The following AGAP1 variants were observed in gnomAD, a reference collection of about 807,000 sequenced individuals.
The protein encoded by AGAP1 is arf-GAP with GTPase, ANK repeat and PH domain-containing protein 1.
A neutral mutation model predicts 105.3 loss-of-function variants in AGAP1; 29 were observed. That is an observed-to-expected ratio of 0.28 (90% CI 0.21 to 0.38). The LOEUF (loss-of-function observed/expected upper bound fraction) is 0.38, where lower values mean the gene tolerates loss of function less well. AGAP1 is among the 10% of genes least tolerant of loss of function. The probability of loss-of-function intolerance (pLI) is 1.00; values close to 1 mark genes in which losing one functional copy is unlikely to be tolerated. For synonymous variants in AGAP1, 509 were observed against 485.9 expected (o/e 1.05, Z -0.63); for missense variants, 998 against 1,165.1 (o/e 0.86, Z 2.09).
chr2:235,580,815 A>G (rs1203114774), intron 1 of AGAP1, among the ~76,000 whole-genome samples: 1 of 152,148 alleles, frequency 6.6e-6, no homozygotes, highest in Admixed American at 6.5e-5. Context: ...TCTAGAGAGG[A>G]TGTTATCTGA....
rs144504070 is a variant in AGAP1, at chr2:236,109,281, G to A, written c.2115-10911G>A. On this transcript the variant is annotated intron_variant, in intron 16 of 17. Coordinates refer to ENST00000304032, the MANE Select transcript of AGAP1 (RefSeq NM_001037131.3). The surrounding 1 kb of genome is among the most constrained non-coding windows in gnomAD (Gnocchi z 5.4). ...TCAGCTGCCTGGTCAGCCTGACCCCGCCCTGCCGAGCACCTCATTCCCGGG... is the reference window on the plus strand; with the variant it reads ...TCAGCTGCCTGGTCAGCCTGACCCCACCCTGCCGAGCACCTCATTCCCGGG... 7.6e-3 allele frequency among the ~76,000 whole-genome samples: 1,155 copies of A among 152,250 alleles called. 16 individuals carry two copies. The highest frequency in any genetic ancestry group is 0.026 in the African/African-American group (1,099 of 41,552).
intron 8 of AGAP1, among the ~76,000 whole-genome samples, chr2:235,804,586 C>T (rs1375085972): frequency 2.0e-5 from 3 of 152,230 alleles, no homozygotes; most frequent in South Asian, 4.1e-4. Context: ...CAATGATGCG[C>T]TTGTTCCTGT....
intron 12 of AGAP1, 21 bp from the exon 13 acceptor site, chr2:235,968,438 TTGC>T: frequency 4.6e-6 from 7 of 1,536,272 alleles, no homozygotes; most frequent in Admixed American, 4.6e-5. Flanking sequence ...TTTTTTTTTT[TTGC>T]CTTTTCCGGT....
Position 235,830,639 on chromosome 2 carries a change from A to C in AGAP1, c.1050+23308A>C. The stretch of plus-strand genomic sequence containing the variant: ...ATTTGTTGGGGGAAGCAATGTTGGT[A>C]GGGGGTGGGGGTTGCACCTTGAGGT... On this transcript the variant is annotated intron_variant, in intron 9 of 17. Coordinates refer to ENST00000304032, the MANE Select transcript of AGAP1 (RefSeq NM_001037131.3). This position sits in a 1 kb window ranked among gnomAD's most constrained non-coding sequence, Gnocchi z 5.5. Among the ~76,000 whole-genome samples the C allele has an allele frequency of 2.9e-5, 2 of 68,938 alleles. No individual in the cohort carries two copies. Among genetic ancestry groups the C allele is most frequent in the Non-Finnish European group, 3.0e-5 (1 of 33,516 alleles). The allele number at this position is 68,938 out of a possible 152,430, so 45.2% of individuals were successfully genotyped here. A position where few individuals can be genotyped will look rare whatever the true frequency, so the allele number is the denominator to read the frequency against.
chr2:236,079,392 G>A (rs2058723953), intron 16 of AGAP1, among the ~76,000 whole-genome samples: 2 of 143,056 alleles, frequency 1.4e-5, no homozygotes, highest in African/African-American at 2.6e-5. Context: ...AAAAAAAACA[G>A]GCATGGTGGC....
chr2:236,031,299 G>T (rs968120998), intron 13 of AGAP1, among the ~76,000 whole-genome samples: 8 of 152,140 alleles, frequency 5.3e-5, no homozygotes, highest in African/African-American at 1.2e-4. Flanking sequence ...AACCAGGGAG[G>T]AGAAAGAGAA....
chr2:236,058,408 A>G lies in AGAP1; in HGVS notation c.2114+9127A>G, dbSNP rs186769875. Among the ~76,000 whole-genome samples the G allele has an allele frequency of 1.6e-3, 251 of 152,352 alleles. 1 individual carries two copies. The highest frequency in any genetic ancestry group is 5.9e-3 in the African/African-American group (244 of 41,590). ...GGTGGCACTGAATGCAAGGAAGGCA[A>G]GGTTGGTTCGACACGCAAAAATCAA... On this transcript the variant is annotated intron_variant, in intron 16 of 17. Transcript: ENST00000304032. The surrounding 1 kb of genome is among the most constrained non-coding windows in gnomAD (Gnocchi z 4.6).
At chr2:236,097,938 C>A (rs2059235954) in intron 16 of AGAP1, among the ~76,000 whole-genome samples, 1 of 152,180 alleles carries the variant, frequency 6.6e-6, no homozygotes. Context: ...GCCTGACTTA[C>A]TTCACTAGCA....
intron 1 of AGAP1, among the ~76,000 whole-genome samples, chr2:235,707,445 G>C (rs1334385998): frequency 7.5e-6 from 1 of 133,042 alleles, no homozygotes; most frequent in Non-Finnish European, 1.6e-5. Context: ...GTGGCATCTG[G>C]TTTGCTGCAC....
chr2:235,785,621 AG>A (rs1400032588), intron 6 of AGAP1, among the ~76,000 whole-genome samples: 1 of 152,062 alleles, frequency 6.6e-6, no homozygotes, highest in Non-Finnish European at 1.5e-5. Flanking sequence ...TAGTTTCTTT[AG>A]CTGGAATAAT....
At chr2:235,562,958 G>A (rs1944212264) in intron 1 of AGAP1, among the ~76,000 whole-genome samples, 1 of 152,118 alleles carries the variant, frequency 6.6e-6, no homozygotes, top group East Asian at 1.9e-4. Context: ...TACTCCGGAG[G>A]CTGAGGCAGG....
At chr2:236,016,180 T>G (rs1001137553) in intron 13 of AGAP1, among the ~76,000 whole-genome samples, 3 of 152,168 alleles carry the variant, frequency 2.0e-5, no homozygotes, top group African/African-American at 4.8e-5. Context: ...TTGGCCTCAT[T>G]GGTATCTTCT....
chr2:236,120,459 G>A lies in AGAP1; in HGVS notation c.2370+12G>A, dbSNP rs1289923242. Reference sequence around the variant, plus strand: ...AGCTCCTGATCTGGGTAGGTGGTCGGCACGCCTGGCAGAGGACGGGGCCAC... The same window carrying A: ...AGCTCCTGATCTGGGTAGGTGGTCGACACGCCTGGCAGAGGACGGGGCCAC... On this transcript the variant is annotated intron_variant, in intron 17 of 17. Transcript: ENST00000304032. The surrounding 1 kb of genome is among the most constrained non-coding windows in gnomAD (Gnocchi z 6.0). 3.7e-6 allele frequency: 6 copies of A among 1,610,894 alleles called. No homozygotes were observed. The highest frequency in any genetic ancestry group is 5.1e-6 in the Non-Finnish European group (6 of 1,179,636).
chr2:236,007,047 A>C (rs749743170), intron 13 of AGAP1, among the ~76,000 whole-genome samples: 1 of 150,840 alleles, frequency 6.6e-6, no homozygotes, highest in Non-Finnish European at 1.5e-5. Flanking sequence ...GTTAAGGTCA[A>C]AGCAGTTTTA....
At chr2:235,674,726 T>C (rs1166319467) in intron 1 of AGAP1, among the ~76,000 whole-genome samples, 1 of 150,650 alleles carries the variant, frequency 6.6e-6, no homozygotes, top group African/African-American at 2.5e-5. Flanking sequence ...AGTCTCACTC[T>C]GTTGCCAGGC....
chr2:236,115,827 C>T (rs193043427), intron 16 of AGAP1, among the ~76,000 whole-genome samples: 1 of 99,308 alleles, frequency 1.0e-5, no homozygotes, highest in Admixed American at 9.7e-5. Context: ...TTTGTTTAGA[C>T]AGAGTCTCGC....
In AGAP1 at chr2:235,988,063, A is replaced by G. The variant is rs1176328321; in HGVS notation, c.1645+19440A>G. Among the ~76,000 whole-genome samples, 1 of 152,170 alleles carries G rather than the reference A, an allele frequency of 6.6e-6. No homozygotes were observed. Among genetic ancestry groups the G allele is most frequent in the Non-Finnish European group, 1.5e-5 (1 of 68,040 alleles). On this transcript the variant is annotated intron_variant, in intron 13 of 17. Transcript: ENST00000304032. The surrounding 1 kb of genome is among the most constrained non-coding windows in gnomAD (Gnocchi z 4.7). ...CGTTTGTTCTGTTTTGTTTTTTGAAACAAGAGTCTCACTCTGTTGCCCAGG... is the reference window on the plus strand; with the variant it reads ...CGTTTGTTCTGTTTTGTTTTTTGAAGCAAGAGTCTCACTCTGTTGCCCAGG...
Position 236,009,587 on chromosome 2 carries a change from C to G in AGAP1, c.1646-26974C>G, listed in dbSNP as rs888794199. On this transcript the variant is annotated intron_variant, in intron 13 of 17. Transcript: ENST00000304032. The surrounding 1 kb of genome is among the most constrained non-coding windows in gnomAD (Gnocchi z 4.2). ...CTTTTCTTAGAGGTACAAATTTACG[C>G]TCCCTTCTATGAATAGAGAGGGCTA... is the stretch of plus-strand genomic sequence containing the variant. 6.6e-6 allele frequency among the ~76,000 whole-genome samples: 1 copy of G among 152,202 alleles called. No homozygotes were observed. The highest frequency in any genetic ancestry group is 1.9e-4 in the East Asian group (1 of 5,200).
At chr2:235,949,949 G>T (rs1006815829) in intron 12 of AGAP1, among the ~76,000 whole-genome samples, 1 of 152,196 alleles carries the variant, frequency 6.6e-6, no homozygotes, top group African/African-American at 2.4e-5. Flanking sequence ...TTTCGTGGAA[G>T]AAACTGCACC....
Sources: allele counts gnomAD v4.1 joint callset (sites outside exome capture counted in the v4.1 genomes callset), GRCh38; gene constraint gnomAD v4.1.1; non-coding constraint Gnocchi (gnomAD v3.1); transcripts MANE v1.5; gene names NCBI Gene and HGNC (gene_info 2026-07-23, HGNC 2026-07-21).